The following RNF217 variants were observed in gnomAD, a reference collection of about 807,000 sequenced individuals.
RNF217 encodes E3 ubiquitin-protein ligase RNF217.
Under a neutral mutation model 57.8 loss-of-function variants are expected in RNF217, and 31 were observed. That is an observed-to-expected ratio of 0.54 (90% confidence interval 0.40 to 0.72). The LOEUF is 0.72. Among genes scored for constraint, RNF217 ranks in the 30% least tolerant of loss-of-function variants. The probability of loss-of-function intolerance (pLI) is 0.00; values close to 1 mark genes in which losing one functional copy is unlikely to be tolerated. For synonymous variants in RNF217, 313 were observed against 294.0 expected, an observed-to-expected ratio of 1.06 and a Z score of -0.66; for missense variants, 696 against 708.3, an observed-to-expected ratio of 0.98 and a Z score of 0.20.
chr6:125,071,685 T>C (rs1254485362), intron 3 of RNF217, among the ~76,000 whole-genome samples: 1 of 152,194 alleles, frequency 6.6e-6, no homozygotes, highest in East Asian at 1.9e-4. Context: ...TTTCATCTTA[T>C]GACCTTAAGT....
intron 1 of RNF217, among the ~76,000 whole-genome samples, chr6:124,988,787 A>C (rs890045764): frequency 2.0e-5 from 3 of 152,184 alleles, no homozygotes; most frequent in African/African-American, 7.2e-5. Context: ...TTCCACAGAG[A>C]ATGTTCATTC....
intron 4 of RNF217, among the ~76,000 whole-genome samples, chr6:125,079,904 C>G (rs901530484): frequency 1.4e-4 from 22 of 151,956 alleles, no homozygotes; most frequent in African/African-American, 5.1e-4. Context: ...AGATAGTATG[C>G]CTAGTCCCTT....
chr6:125,004,051 A>G (rs549150710), intron 1 of RNF217, among the ~76,000 whole-genome samples: 2 of 78,166 alleles, frequency 2.6e-5, no homozygotes, highest in South Asian at 1.6e-3. Flanking sequence ...CTTTCTTTAA[A>G]TGAGGGGTTA....
At chr6:125,012,819 T>C (rs1257877398) in intron 1 of RNF217, among the ~76,000 whole-genome samples, 2 of 152,180 alleles carry the variant, frequency 1.3e-5, no homozygotes, top group African/African-American at 4.8e-5. Flanking sequence ...ATCTTTGAAT[T>C]TCTTATTTAT....
In RNF217 at chr6:125,086,293, A is replaced by C. The variant is rs1447209993; in HGVS notation, c.*3356A>C. 7.2e-5 allele frequency: 11 copies of C among 152,078 alleles called. No homozygotes were observed. In the East Asian group the frequency reaches 1.2e-3, roughly 16 times the overall value. The allele number at this position is 152,078 out of a possible 1,614,324, so 9.4% of individuals were successfully genotyped here. A position where few individuals can be genotyped will look rare whatever the true frequency, so the allele number is the denominator to read the frequency against. ...GATTAGCCAAATAAATACCTTGCCA[A>C]AACTTACAATAGGAAATTTTTTTTC... On this transcript the variant is annotated 3_prime_UTR_variant, in exon 6 of 6. Coordinates refer to ENST00000521654, the MANE Select transcript of RNF217 (RefSeq NM_001286398.3).
intron 1 of RNF217, among the ~76,000 whole-genome samples, chr6:125,035,399 A>G (rs1018116444): frequency 6.6e-6 from 1 of 152,332 alleles, no homozygotes; most frequent in Admixed American, 6.5e-5. Flanking sequence ...GCCAATATTC[A>G]ACATTCTTAA....
chr6:125,070,733 A>C (rs1788102278), intron 3 of RNF217, among the ~76,000 whole-genome samples: 2 of 152,112 alleles, frequency 1.3e-5, no homozygotes, highest in South Asian at 4.1e-4. Context: ...TTTCCTTGTA[A>C]CTTTTGTTTC....
At position 125,071,454 on chromosome 6, in the gene RNF217, A is replaced by C. The variant is rs138971876; in HGVS notation, c.1282-5203A>C. On this transcript the variant is annotated intron_variant, in intron 3 of 5. Transcript: ENST00000521654. The stretch of plus-strand genomic sequence containing the variant: ...ACAAATTGCCCATTTTCAACCTATG[A>C]TATTTTCAACTTGGAGCATCTGCCT... 4.9e-3 allele frequency among the ~76,000 whole-genome samples: 726 copies of C among 149,048 alleles called. 11 individuals carry two copies. Among genetic ancestry groups the C allele is most frequent in the African/African-American group, 0.017 (698 of 40,466 alleles).
At chr6:124,985,289 TTTTCTC>T (rs1157113847) in intron 1 of RNF217, among the ~76,000 whole-genome samples, 2 of 152,222 alleles carry the variant, frequency 1.3e-5, no homozygotes, top group Admixed American at 6.5e-5. Flanking sequence ...AAATTTCTGT[TTTTCTC>T]TTTTTATTTT....
intron 1 of RNF217, among the ~76,000 whole-genome samples, chr6:125,004,745 G>C (rs377144215): frequency 6.6e-6 from 1 of 152,168 alleles, no homozygotes; most frequent in African/African-American, 2.4e-5. Context: ...ACCACAGCTC[G>C]TGTGTAATTC....
chr6:124,968,336 T>C (rs1783629518), intron 1 of RNF217, among the ~76,000 whole-genome samples: 1 of 151,568 alleles, frequency 6.6e-6, no homozygotes, highest in Non-Finnish European at 1.5e-5. Context: ...AAAATGTATG[T>C]GTGTGTGTGT....
intron 1 of RNF217, among the ~76,000 whole-genome samples, chr6:125,005,675 T>C (rs1049256644): frequency 9.2e-5 from 14 of 152,362 alleles, no homozygotes; most frequent in Admixed American, 6.5e-4. Flanking sequence ...CTTTAAGATA[T>C]AATGCTAGAA....
At chr6:125,030,448 G>C (rs936507461) in intron 1 of RNF217, among the ~76,000 whole-genome samples, 2 of 152,280 alleles carry the variant, frequency 1.3e-5, no homozygotes, top group South Asian at 4.2e-4. Context: ...TCAAAAGCAA[G>C]CTAGTTACTT....
chr6:125,086,481 T>A lies in RNF217; in HGVS notation c.*3544T>A, dbSNP rs1464602924. 6.6e-6 allele frequency: 1 copy of A among 152,106 alleles called. No homozygotes were observed. The highest frequency in any genetic ancestry group is 1.9e-4 in the East Asian group (1 of 5,188). The allele number at this position is 152,106 out of a possible 1,614,324, so 9.4% of individuals were successfully genotyped here. A position where few individuals can be genotyped will look rare whatever the true frequency, so the allele number is the denominator to read the frequency against. ...GTAACACTATCCACTTTTGTGTATG[T>A]TGCTTGACAGAGGAACTTAATTATG... On this transcript the variant is annotated 3_prime_UTR_variant, in exon 6 of 6. Transcript: ENST00000521654.
chr6:125,055,610 A>G (rs568171947), intron 2 of RNF217, among the ~76,000 whole-genome samples: 1 of 152,326 alleles, frequency 6.6e-6, no homozygotes, highest in Admixed American at 6.5e-5. Flanking sequence ...ATTAAAAACT[A>G]GAGAGATCTT....
At chr6:124,978,380 C>G (rs190345473) in intron 1 of RNF217, among the ~76,000 whole-genome samples, 1 of 151,628 alleles carries the variant, frequency 6.6e-6, no homozygotes, top group Non-Finnish European at 1.5e-5. Context: ...CTGCGCTCAG[C>G]CCATGGATCA....
intron 2 of RNF217, chr6:125,046,762 T>C: frequency 4.5e-6 from 2 of 444,094 alleles, no homozygotes; most frequent in Non-Finnish European, 9.0e-6. Flanking sequence ...TCCTCTGCTG[T>C]TGCAGTTATA....
intron 1 of RNF217, among the ~76,000 whole-genome samples, chr6:124,978,638 G>A (rs964880100): frequency 6.6e-6 from 1 of 152,102 alleles, no homozygotes. Context: ...GTGTGCTGCA[G>A]CTCCTTTATT....
intron 1 of RNF217, among the ~76,000 whole-genome samples, chr6:125,028,742 G>A (rs1391801110): frequency 6.6e-6 from 1 of 151,838 alleles, no homozygotes; most frequent in Non-Finnish European, 1.5e-5. Flanking sequence ...AAAAGAGAAT[G>A]GTGTAAGAGC....
Sources: allele counts gnomAD v4.1 joint callset (sites outside exome capture counted in the v4.1 genomes callset), GRCh38; gene constraint gnomAD v4.1.1; transcripts MANE v1.5; gene names NCBI Gene and HGNC (gene_info 2026-07-23, HGNC 2026-07-21).